The following PLPP7 variants were observed in gnomAD, a reference collection of about 807,000 sequenced individuals.
PLPP7 encodes the protein phospholipid phosphatase 7 (inactive).
In PLPP7, 11 loss-of-function variants were observed where a neutral mutation model predicts 16.9. The observed-to-expected ratio is 0.65, with a 90% CI of 0.41 to 1.08. The LOEUF (loss-of-function observed/expected upper bound fraction) is 1.08. Among genes scored for constraint, PLPP7 ranks in the 50% least tolerant of loss-of-function variants. The probability of loss-of-function intolerance (pLI) is 0.00; values close to 1 mark genes in which losing one functional copy is unlikely to be tolerated. For synonymous variants in PLPP7, 174 were observed against 175.1 expected, an observed-to-expected ratio of 0.99 and a Z score of 0.05; for missense variants, 358 against 397.1, an observed-to-expected ratio of 0.90 and a Z score of 0.84.
At chr9:131,298,801 C>T (rs1412902888) in intron 1 of PLPP7, among the ~76,000 whole-genome samples, 1 of 152,218 alleles carries the variant, frequency 6.6e-6, no homozygotes, top group Non-Finnish European at 1.5e-5. Flanking sequence ...CCACCAACCC[C>T]GAGGGACCTG....
At position 131,290,155 on chromosome 9, in the gene PLPP7, G is replaced by A. The variant is rs777683261; in HGVS notation, c.158G>A (p.Gly53Asp). ...SGPSAQPPPA[G>D]DGARERRQSQ... The stretch of plus-strand genomic sequence containing the variant: ...CCATCAGCACAGCCCCCACCTGCTG[G>A]TGACGGGGCCAGAGAGCGACGCCAG... The change falls in exon 1 of 2, where the codon GGT (glycine) becomes GAT (aspartate). Residue 53 changes from glycine to aspartate, a missense_variant. By Grantham distance (94) the Gly-to-Asp change is moderately conservative. Coordinates refer to ENST00000372264, the MANE Select transcript of PLPP7 (RefSeq NM_032728.4). This position sits in a 1 kb window ranked among gnomAD's most constrained non-coding sequence, Gnocchi z 4.2. The A allele has an allele frequency of 1.9e-6, 3 of 1,576,376 alleles. No homozygotes were observed. The highest frequency in any genetic ancestry group is 1.3e-5 in the African/African-American group (1 of 74,254).
chr9:131,307,971 A>G lies in PLPP7; in HGVS notation c.500A>G (p.Lys167Arg), dbSNP rs1835872140. 2 of 1,598,768 alleles carry G rather than the reference A, an allele frequency of 1.3e-6. No individual in the cohort carries two copies. Among genetic ancestry groups the G allele is most frequent in the Non-Finnish European group, 8.5e-7 (1 of 1,178,924 alleles). Residue 167 changes from lysine (K) to arginine (R), a missense_variant, in exon 2 of 2, where the codon AAG becomes AGG. Lys to Arg is a conservative substitution (Grantham distance 26, BLOSUM62 2). Coordinates refer to ENST00000372264, the MANE Select transcript of PLPP7 (RefSeq NM_032728.4). Reference protein sequence around the residue: ...MTVAGVQKLIKRRGPYETSPS... With the variant: ...MTVAGVQKLIRRRGPYETSPS... The stretch of plus-strand genomic sequence containing the variant: ...GTGGCCGGCGTGCAGAAGCTCATCA[A>G]GCGGCGCGGCCCGTACGAGACGAGC...
intron 1 of PLPP7, among the ~76,000 whole-genome samples, chr9:131,299,525 G>A (rs1360624403): frequency 1.3e-5 from 2 of 152,206 alleles, no homozygotes; most frequent in African/African-American, 4.8e-5. Flanking sequence ...TGCAGGGGCA[G>A]CAGGAAAGGG....
In PLPP7 at chr9:131,297,574, C is replaced by T. The variant is rs12342314; in HGVS notation, c.451+7126C>T. On this transcript the variant is annotated intron_variant, in intron 1 of 1. Transcript: ENST00000372264. ...CTAATTTTTGTGTTTTTAGTAGAGA[C>T]GGGGTTTCACCATGTTGGCCAGGCT... Among the ~76,000 whole-genome samples, 530 of 152,112 alleles carry T rather than the reference C, an allele frequency of 3.5e-3. 6 individuals are homozygous for T. Among genetic ancestry groups the T allele is most frequent in the African/African-American group, 0.012 (501 of 41,502 alleles).
Position 131,290,520 on chromosome 9 carries a change from C to A in PLPP7, c.451+72C>A. On this transcript the variant is annotated intron_variant, in intron 1 of 1. Coordinates refer to ENST00000372264, the MANE Select transcript of PLPP7 (RefSeq NM_032728.4). This position sits in a 1 kb window ranked among gnomAD's most constrained non-coding sequence, Gnocchi z 4.2. Reference sequence around the variant, plus strand: ...GCAGCCTGGCCTGCCCAACCCCACCCTGGCCGGGACCTGCACAGCCCTCAG... The same window carrying A: ...GCAGCCTGGCCTGCCCAACCCCACCATGGCCGGGACCTGCACAGCCCTCAG... 7.2e-7 allele frequency: 1 copy of A among 1,389,924 alleles called. No homozygotes were observed. Among genetic ancestry groups the A allele is most frequent in the South Asian group, 1.5e-5 (1 of 64,990 alleles). The allele number at this position is 1,389,924 out of a possible 1,614,324, so 86.1% of individuals were successfully genotyped here. A position where few individuals can be genotyped will look rare whatever the true frequency, so the allele number is the denominator to read the frequency against.
At chr9:131,302,670 C>G (rs1835811409) in intron 1 of PLPP7, among the ~76,000 whole-genome samples, 1 of 152,224 alleles carries the variant, frequency 6.6e-6, no homozygotes. Context: ...CTTGGGCCAG[C>G]CAGCTCCTCT....
intron 1 of PLPP7, among the ~76,000 whole-genome samples, chr9:131,306,885 C>T (rs1027857900): frequency 3.3e-5 from 5 of 152,274 alleles, no homozygotes; most frequent in Admixed American, 6.5e-5. Context: ...TGCTGAATGC[C>T]GCTGAAGCGT....
rs1162856488 is a variant in PLPP7 at position 131,291,259 on chromosome 9, C to T, written c.451+811C>T. ...TGCCCCAGGAAGCTTCCACCCTCCA[C>T]GCCAGGCCCGCATCGATTTCCTTGT... On this transcript the variant is annotated intron_variant, in intron 1 of 1. Coordinates refer to ENST00000372264, the MANE Select transcript of PLPP7 (RefSeq NM_032728.4). The T allele has an allele frequency of 2.4e-5, 31 of 1,317,136 alleles. No homozygotes were observed. In the East Asian group the frequency reaches 2.9e-4, roughly 12 times the overall value. The allele number at this position is 1,317,136 out of a possible 1,614,324, so 81.6% of individuals were successfully genotyped here.
chr9:131,298,699 C>T (rs569988226), intron 1 of PLPP7, among the ~76,000 whole-genome samples: 1 of 152,338 alleles, frequency 6.6e-6, no homozygotes, highest in African/African-American at 2.4e-5. Flanking sequence ...GAGATGATTC[C>T]AAATCTTCCA....
chr9:131,305,375 T>G (rs1365888958), intron 1 of PLPP7, among the ~76,000 whole-genome samples: 2 of 136,926 alleles, frequency 1.5e-5, no homozygotes, highest in African/African-American at 2.6e-5. Flanking sequence ...CAAAGTGGGA[T>G]GCCCATCTGT....
At chr9:131,305,214 G>A (rs1588210652) in intron 1 of PLPP7, among the ~76,000 whole-genome samples, 2 of 152,298 alleles carry the variant, frequency 1.3e-5, no homozygotes, top group East Asian at 1.9e-4. Flanking sequence ...CACGGCAGCC[G>A]AAAGGCGCAA....
At chr9:131,302,094 C>T (rs964913523) in intron 1 of PLPP7, among the ~76,000 whole-genome samples, 2 of 152,198 alleles carry the variant, frequency 1.3e-5, no homozygotes, top group South Asian at 4.1e-4. Context: ...GCTGGAATTA[C>T]AGGCGTGAGC....
At chr9:131,293,205 C>T (rs1015646090) in intron 1 of PLPP7, among the ~76,000 whole-genome samples, 1 of 150,786 alleles carries the variant, frequency 6.6e-6, no homozygotes, top group Non-Finnish European at 1.5e-5. Flanking sequence ...TGACTGCAAA[C>T]CCCCCCACTC....
At chr9:131,301,813 C>CTTT (rs59151233) in intron 1 of PLPP7, among the ~76,000 whole-genome samples, 39 of 114,736 alleles carry the variant, frequency 3.4e-4, no homozygotes, top group African/African-American at 9.2e-4. Context: ...GGAACTTGTT[C>CTTT]TTTTTTTTTT....
chr9:131,309,257 A>G lies in PLPP7; in HGVS notation c.*970A>G, dbSNP rs1336017302. The G allele has an allele frequency of 2.0e-5, 3 of 152,646 alleles. No homozygotes were observed. Among genetic ancestry groups the G allele is most frequent in the East Asian group, 3.9e-4 (2 of 5,194 alleles). The allele number at this position is 152,646 out of a possible 1,614,324, so 9.5% of individuals were successfully genotyped here. ...ATGTGACAATACAGATGACATGCAA[A>G]TGGCCCTCTCCCGTGTGGCTTTTTC... On this transcript the variant is annotated 3_prime_UTR_variant, in exon 2 of 2. Coordinates refer to ENST00000372264, the MANE Select transcript of PLPP7 (RefSeq NM_032728.4).
At chr9:131,300,261 C>T (rs485766) in intron 1 of PLPP7, among the ~76,000 whole-genome samples, 100,597 of 152,024 alleles carry the variant, frequency 0.66, 34,378 homozygotes, top group Middle Eastern at 0.78. Flanking sequence ...CTGCATTCAT[C>T]CATTCATAAA....
intron 1 of PLPP7, among the ~76,000 whole-genome samples, chr9:131,297,012 G>A (rs188504374): frequency 2.0e-5 from 3 of 152,300 alleles, no homozygotes; most frequent in East Asian, 1.9e-4. Flanking sequence ...CTACCTCCTC[G>A]GAAGTAGAGG....
rs1384302119 is a variant in PLPP7, at chr9:131,295,886, C to T, written c.451+5438C>T. On this transcript the variant is annotated intron_variant, in intron 1 of 1. Transcript: ENST00000372264. The surrounding 1 kb of genome is among the most constrained non-coding windows in gnomAD (Gnocchi z 4.0). ...CTCAGTTACAGGATGGACCACATTTCGTGTATCCATTCGTGCACCCATGGA... is the reference window on the plus strand; with the variant it reads ...CTCAGTTACAGGATGGACCACATTTTGTGTATCCATTCGTGCACCCATGGA... 3.3e-5 allele frequency among the ~76,000 whole-genome samples: 5 copies of T among 152,182 alleles called. No individual in the cohort carries two copies. In the East Asian group the frequency reaches 7.7e-4, roughly 23 times the overall value.
intron 1 of PLPP7, among the ~76,000 whole-genome samples, chr9:131,304,357 G>A (rs1433829438): frequency 1.3e-5 from 2 of 152,260 alleles, no homozygotes; most frequent in African/African-American, 2.4e-5. Flanking sequence ...GAAAGGCCAG[G>A]CGCAGTGGCT....
Sources: allele counts gnomAD v4.1 joint callset (sites outside exome capture counted in the v4.1 genomes callset), GRCh38; gene constraint gnomAD v4.1.1; non-coding constraint Gnocchi (gnomAD v3.1); transcripts MANE v1.5; gene names NCBI Gene and HGNC (gene_info 2026-07-23, HGNC 2026-07-21).